The following GNG7 variants were observed in gnomAD, a reference collection of about 807,000 sequenced individuals.
GNG7 encodes G protein subunit gamma 7.
Under a neutral mutation model 4.0 loss-of-function variants are expected in GNG7, and 1 was observed. The ratio of observed to expected loss-of-function variants is 0.25; its 90% confidence interval spans 0.09 to 1.18. GNG7 has a LOEUF of 1.18. Ranked by LOEUF, GNG7 falls within the 50% of genes most tolerant of loss-of-function variation. GNG7 has a pLI of 0.50. For synonymous variants in GNG7, 34 were observed against 36.9 expected, an observed-to-expected ratio of 0.92 and a Z score of 0.29; for missense variants, 86 against 91.9, an observed-to-expected ratio of 0.94 and a Z score of 0.26.
At chr19:2,670,598 T>C (rs1983427503) in intron 1 of GNG7, among the ~76,000 whole-genome samples, 1 of 151,742 alleles carries the variant, frequency 6.6e-6, no homozygotes, top group African/African-American at 2.4e-5. Flanking sequence ...CAGAGCACCC[T>C]ATTCTCTGAG....
Position 2,617,431 on chromosome 19 carries a change from C to T in GNG7, c.-78+28793G>A, listed in dbSNP as rs948036308. On this transcript the variant is annotated intron_variant, in intron 2 of 4. Transcript: ENST00000382159. This position sits in a 1 kb window ranked among gnomAD's most constrained non-coding sequence, Gnocchi z 4.7. ...CCATCAATCTGATCAAGAAGCCACA[C>T]TAGGTCACCTCAGACCAAGGACATT... Among the ~76,000 whole-genome samples the T allele has an allele frequency of 2.0e-5, 3 of 152,186 alleles. No individual in the cohort carries two copies. Among genetic ancestry groups the T allele is most frequent in the African/African-American group, 4.8e-5 (2 of 41,456 alleles).
chr19:2,700,188 C>G (rs1240589356), intron 1 of GNG7, among the ~76,000 whole-genome samples: 1 of 150,006 alleles, frequency 6.7e-6, no homozygotes. Context: ...GTTGCCCAGG[C>G]TGGAGTGCAA....
chr19:2,597,616 G>A (rs186362660), intron 2 of GNG7, among the ~76,000 whole-genome samples: 1 of 150,448 alleles, frequency 6.6e-6, no homozygotes, highest in East Asian at 2.0e-4. Flanking sequence ...TAATAATAAG[G>A]CCGAGTGTGG....
intron 3 of GNG7, among the ~76,000 whole-genome samples, chr19:2,551,967 G>C (rs1048070182): frequency 7.2e-5 from 11 of 152,154 alleles, no homozygotes; most frequent in Admixed American, 7.2e-4. Flanking sequence ...TTACAGGCGT[G>C]AGCCACGGCG....
intron 1 of GNG7, among the ~76,000 whole-genome samples, chr19:2,675,805 C>A (rs1055118830): frequency 6.6e-6 from 1 of 152,204 alleles, no homozygotes; most frequent in Non-Finnish European, 1.5e-5. Context: ...CCCAGGATGG[C>A]CCCTCCCCAG....
At chr19:2,635,152 C>T (rs1265146957) in intron 2 of GNG7, among the ~76,000 whole-genome samples, 1 of 152,182 alleles carries the variant, frequency 6.6e-6, no homozygotes, top group Non-Finnish European at 1.5e-5. Context: ...ACCCCCCAGT[C>T]GTGTAACCAC....
At chr19:2,559,802 G>GC (rs1484595630) in intron 2 of GNG7, among the ~76,000 whole-genome samples, 2 of 100,110 alleles carry the variant, frequency 2.0e-5, no homozygotes, top group African/African-American at 8.5e-5. Flanking sequence ...GTGAGCCACC[G>GC]TGCCTGGCTC....
chr19:2,651,574 T>C (rs1253519993), intron 1 of GNG7, among the ~76,000 whole-genome samples: 1 of 142,232 alleles, frequency 7.0e-6, no homozygotes, highest in Non-Finnish European at 1.5e-5. Context: ...TCTCTCTCTC[T>C]CTTTTTTTTT....
chr19:2,528,998 T>C (rs1978501166), intron 3 of GNG7, among the ~76,000 whole-genome samples: 1 of 152,164 alleles, frequency 6.6e-6, no homozygotes, highest in Admixed American at 6.5e-5. Context: ...TTGAGAAATC[T>C]CACTCCCCGT....
chr19:2,539,605 A>G (rs1273819541), intron 3 of GNG7, among the ~76,000 whole-genome samples: 2 of 152,034 alleles, frequency 1.3e-5, no homozygotes, highest in Non-Finnish European at 1.5e-5. Flanking sequence ...GCGCCCGGCC[A>G]TAAGCTCAAT....
intron 1 of GNG7, among the ~76,000 whole-genome samples, chr19:2,678,361 T>C (rs545517323): frequency 3.7e-4 from 56 of 152,110 alleles, no homozygotes; most frequent in Non-Finnish European, 6.9e-4. Flanking sequence ...TTTTCTGAAA[T>C]ATAGTAGGTA....
intron 2 of GNG7, among the ~76,000 whole-genome samples, chr19:2,555,887 A>G (rs956068534): frequency 5.3e-5 from 8 of 151,792 alleles, no homozygotes; most frequent in Non-Finnish European, 8.8e-5. Context: ...TCCGTCTCCA[A>G]TGCACAGTGC....
intron 2 of GNG7, among the ~76,000 whole-genome samples, chr19:2,562,067 G>A (rs1354101202): frequency 6.6e-6 from 1 of 151,970 alleles, no homozygotes; most frequent in African/African-American, 2.4e-5. Flanking sequence ...TCTCTGAGAA[G>A]TCTCTCTGCG....
intron 1 of GNG7, among the ~76,000 whole-genome samples, chr19:2,692,373 C>A (rs565537872): frequency 6.6e-6 from 1 of 151,498 alleles, no homozygotes; most frequent in Non-Finnish European, 1.5e-5. Flanking sequence ...CGGTGGCTCA[C>A]GCCTGTAATC....
chr19:2,670,683 C>A (rs952882521), intron 1 of GNG7, among the ~76,000 whole-genome samples: 1 of 152,166 alleles, frequency 6.6e-6, no homozygotes, highest in Non-Finnish European at 1.5e-5. Flanking sequence ...TCGGGCGGGG[C>A]TGTGCTGGGC....
intron 2 of GNG7, among the ~76,000 whole-genome samples, chr19:2,568,545 A>G (rs1213257840): frequency 6.7e-6 from 1 of 149,912 alleles, no homozygotes; most frequent in Non-Finnish European, 1.5e-5. Context: ...ACACACATAC[A>G]CATATATATA....
chr19:2,627,850 G>A (rs1466036478), intron 2 of GNG7, among the ~76,000 whole-genome samples: 1 of 152,196 alleles, frequency 6.6e-6, no homozygotes, highest in Non-Finnish European at 1.5e-5. Flanking sequence ...TCACCTGTGT[G>A]CAGGAGGTCA....
chr19:2,563,623 G>A (rs1404617844), intron 2 of GNG7, among the ~76,000 whole-genome samples: 2 of 152,156 alleles, frequency 1.3e-5, no homozygotes, highest in East Asian at 3.9e-4. Context: ...TTGGAACTAC[G>A]GGTGTGCACC....
chr19:2,558,267 G>T (rs1979630573), intron 2 of GNG7, among the ~76,000 whole-genome samples: 1 of 147,042 alleles, frequency 6.8e-6, no homozygotes, highest in Non-Finnish European at 1.5e-5. Flanking sequence ...TTTTGAGATA[G>T]GGTCTGTTAC....
Sources: allele counts gnomAD v4.1 joint callset (sites outside exome capture counted in the v4.1 genomes callset), GRCh38; gene constraint gnomAD v4.1.1; non-coding constraint Gnocchi (gnomAD v3.1); transcripts MANE v1.5; gene names NCBI Gene and HGNC (gene_info 2026-07-23, HGNC 2026-07-21).